GPATCH2: variants seen among roughly 807,000 people sequenced by gnomAD.
The protein encoded by GPATCH2 is G patch domain-containing protein 2.
A neutral mutation model predicts 58.0 loss-of-function variants in GPATCH2; 51 were observed. The observed-to-expected ratio is 0.88, with a 90% CI of 0.70 to 1.11. GPATCH2 has a LOEUF of 1.11. Ranked by LOEUF, GPATCH2 falls within the 50% of genes most tolerant of loss-of-function variation. GPATCH2 has a pLI of 0.00. For missense variants in GPATCH2, 625 were observed against 652.2 expected (o/e 0.96, Z 0.45); for synonymous variants, 222 against 218.5 (o/e 1.02, Z -0.14).
chr1:217,554,687 G>A (rs1665534588), intron 5 of GPATCH2, among the ~76,000 whole-genome samples: 1 of 152,020 alleles, frequency 6.6e-6, no homozygotes, highest in South Asian at 2.1e-4. Flanking sequence ...GGAAGTAGGT[G>A]GAATGTAAAT....
At chr1:217,440,870 A>C (rs1659103163) in intron 9 of GPATCH2, among the ~76,000 whole-genome samples, 1 of 152,242 alleles carries the variant, frequency 6.6e-6, no homozygotes, top group Admixed American at 6.5e-5. Context: ...ACACAAACAA[A>C]TGGAAAAACA....
intron 9 of GPATCH2, 55 bp from the exon 10 acceptor site, chr1:217,431,420 T>C (rs1658529479): frequency 9.9e-7 from 1 of 1,010,520 alleles, no homozygotes; most frequent in Non-Finnish European, 1.6e-6. Flanking sequence ...GGTGAAGATA[T>C]TAGGCTATGA....
At chr1:217,598,969 A>G (rs1667986548) in intron 5 of GPATCH2, among the ~76,000 whole-genome samples, 1 of 152,218 alleles carries the variant, frequency 6.6e-6, no homozygotes. Flanking sequence ...AGTGACCTCA[A>G]AAGTGTGAAG....
intron 5 of GPATCH2, among the ~76,000 whole-genome samples, chr1:217,574,210 G>A (rs1666700216): frequency 6.6e-6 from 1 of 152,156 alleles, no homozygotes; most frequent in South Asian, 2.1e-4. Context: ...TCTTTTGAAG[G>A]ATAGTGACAC....
At chr1:217,566,428 A>T (rs1666238359) in intron 5 of GPATCH2, among the ~76,000 whole-genome samples, 1 of 152,190 alleles carries the variant, frequency 6.6e-6, no homozygotes, top group South Asian at 2.1e-4. Context: ...CATATGTATC[A>T]CTATTACAGA....
intron 8 of GPATCH2, among the ~76,000 whole-genome samples, chr1:217,469,102 G>T (rs528244284): frequency 1.3e-5 from 2 of 152,062 alleles, no homozygotes; most frequent in Admixed American, 6.6e-5. Flanking sequence ...AAATCATGGA[G>T]TCTGCATAGA....
chr1:217,542,197 C>CTACTAATA (rs1664778985), intron 5 of GPATCH2, among the ~76,000 whole-genome samples: 1 of 152,168 alleles, frequency 6.6e-6, no homozygotes, highest in African/African-American at 2.4e-5. Context: ...TCTATTCCTT[C>CTACTAATA]TACTAATAAT....
intron 8 of GPATCH2, among the ~76,000 whole-genome samples, chr1:217,470,527 C>G (rs1660679134): frequency 6.6e-6 from 1 of 152,084 alleles, no homozygotes; most frequent in Non-Finnish European, 1.5e-5. Flanking sequence ...CTCCAAAATT[C>G]TAAGTGGCTG....
chr1:217,536,055 A>C (rs921528763), intron 5 of GPATCH2, among the ~76,000 whole-genome samples: 3 of 152,134 alleles, frequency 2.0e-5, no homozygotes, highest in Admixed American at 6.5e-5. Flanking sequence ...CCCAATTTTA[A>C]AATTTTATTA....
At chr1:217,585,984 T>A (rs963811327) in intron 5 of GPATCH2, among the ~76,000 whole-genome samples, 2 of 151,944 alleles carry the variant, frequency 1.3e-5, no homozygotes, top group Non-Finnish European at 2.9e-5. Flanking sequence ...ATACAGAAAA[T>A]CTATAATAAA....
intron 9 of GPATCH2, among the ~76,000 whole-genome samples, chr1:217,433,073 ACCCTGCCCCTAT>A (rs986001341): frequency 5.3e-5 from 8 of 151,866 alleles, no homozygotes; most frequent in African/African-American, 1.9e-4. Flanking sequence ...TCTACACCTC[ACCCTGCCCCTAT>A]CCCTTTCCCA....
At chr1:217,566,418 C>A (rs1050492514) in intron 5 of GPATCH2, among the ~76,000 whole-genome samples, 10 of 152,168 alleles carry the variant, frequency 6.6e-5, no homozygotes, top group Non-Finnish European at 1.3e-4. Flanking sequence ...TCTAAAACTG[C>A]ATATGTATCA....
intron 8 of GPATCH2, among the ~76,000 whole-genome samples, chr1:217,468,534 C>T (rs2102498201): frequency 1.1e-5 from 1 of 90,504 alleles, no homozygotes; most frequent in Admixed American, 9.7e-5. Flanking sequence ...CACACACACA[C>T]ACACACACAC....
At chr1:217,613,561 A>C (rs1484141213) in intron 3 of GPATCH2, among the ~76,000 whole-genome samples, 1 of 152,098 alleles carries the variant, frequency 6.6e-6, no homozygotes, top group Non-Finnish European at 1.5e-5. Flanking sequence ...TCCCTTATTA[A>C]GGTTTTTTTA....
At chr1:217,514,771 G>GAGCTA in intron 6 of GPATCH2, 51 bp downstream of exon 6, 1 of 808,540 alleles carries the variant, frequency 1.2e-6, no homozygotes. Context: ...TTTCCCAAAA[G>GAGCTA]AGCTAAGTAG....
intron 5 of GPATCH2, among the ~76,000 whole-genome samples, chr1:217,546,467 A>T (rs537475782): frequency 2.6e-5 from 4 of 152,364 alleles, no homozygotes; most frequent in African/African-American, 9.6e-5. Context: ...CACACCTGCA[A>T]CAATCTGATC....
At chr1:217,600,573 G>A (rs1205839522) in intron 5 of GPATCH2, among the ~76,000 whole-genome samples, 1 of 152,098 alleles carries the variant, frequency 6.6e-6, no homozygotes, top group Non-Finnish European at 1.5e-5. Context: ...TAGACCATCA[G>A]AATAATTGTA....
chr1:217,555,198 T>C (rs1205374340), intron 5 of GPATCH2, among the ~76,000 whole-genome samples: 2 of 152,192 alleles, frequency 1.3e-5, no homozygotes, highest in African/African-American at 4.8e-5. Context: ...TGAAAAGTAA[T>C]GCAGCAAAAG....
chr1:217,597,597 T>C (rs1032272026), intron 5 of GPATCH2, among the ~76,000 whole-genome samples: 1 of 152,156 alleles, frequency 6.6e-6, no homozygotes, highest in African/African-American at 2.4e-5. Context: ...AGTCATATAT[T>C]ACAACTTCTA....
Sources: gnomAD v4.1 joint callset for allele counts (sites outside exome capture counted in the v4.1 genomes callset) on GRCh38, gnomAD v4.1.1 for gene constraint, MANE v1.5 for transcripts, NCBI Gene and HGNC (gene_info 2026-07-23, HGNC 2026-07-21) for gene names.